Variants in KIAA1217 observed in about 807,000 individuals in gnomAD.
The protein encoded by KIAA1217 is sickle tail protein homolog.
In KIAA1217, 88 loss-of-function variants were observed where a neutral mutation model predicts 163.9. The ratio of observed to expected loss-of-function variants is 0.54; its 90% CI spans 0.45 to 0.64. The LOEUF is 0.64. Ranked by LOEUF, KIAA1217 falls within the 30% of genes least tolerant of loss-of-function variation. The probability of loss-of-function intolerance (pLI) is 0.00; values close to 1 mark genes in which losing one functional copy is unlikely to be tolerated. For synonymous variants in KIAA1217, 903 were observed against 923.1 expected (o/e 0.98, Z 0.39); for missense variants, 2,372 against 2,475.0 (o/e 0.96, Z 0.88).
At chr10:24,366,792 T>C (rs2050846423) in intron 2 of KIAA1217, among the ~76,000 whole-genome samples, 1 of 152,200 alleles carries the variant, frequency 6.6e-6, no homozygotes, top group Non-Finnish European at 1.5e-5. Context: ...TTGGGCAGGC[T>C]CTAGTAAGTT....
chr10:23,981,592 TACA>T (rs1845767286), intron 1 of KIAA1217, among the ~76,000 whole-genome samples: 1 of 152,178 alleles, frequency 6.6e-6, no homozygotes, highest in African/African-American at 2.4e-5. Flanking sequence ...CTGTAAGGAT[TACA>T]ACATTAATTT....
rs535209089 is a variant in KIAA1217, at chr10:23,712,512, G to A, written c.-321+17278G>A. On this transcript the variant is annotated intron_variant, in intron 1 of 18. Transcript: ENST00000376462. ...GAGACAGATGGGAAATTGAATATTCGTGGATACGTTTTAGGTGATTGTGCT... is the reference window on the plus strand; with the variant it reads ...GAGACAGATGGGAAATTGAATATTCATGGATACGTTTTAGGTGATTGTGCT... 7.2e-5 allele frequency among the ~76,000 whole-genome samples: 11 copies of A among 152,144 alleles called. No individual in the cohort carries two copies. In the East Asian group the frequency reaches 1.4e-3, roughly 19 times the overall value.
chr10:24,433,016 G>A lies in KIAA1217; in HGVS notation c.575G>A (p.Gly192Glu), dbSNP rs746846624. The A allele has an allele frequency of 1.2e-6, 2 of 1,613,956 alleles. No homozygotes were observed. The highest frequency in any genetic ancestry group is 1.7e-6 in the Non-Finnish European group (2 of 1,180,024). Residue 192 changes from glycine to glutamate, a missense_variant, in exon 4 of 21, where the codon GGA becomes GAA. This residue lies in a region of KIAA1217 where 1,431 missense variants were observed against 1,470.3 expected (regional missense o/e 0.97). Coordinates refer to ENST00000376454, the MANE Select transcript of KIAA1217 (RefSeq NM_019590.5). Reference sequence around the variant, plus strand: ...GCAGGGGTTCTCTATCTCCAGTATGGAGATGAAACCAAGCAGCTCAGGATG... The same window carrying A: ...GCAGGGGTTCTCTATCTCCAGTATGAAGATGAAACCAAGCAGCTCAGGATG... ...RSLGVLYLQY[G>E]DETKQLRMPN...
At chr10:23,932,511 A>G (rs963921860) in intron 1 of KIAA1217, among the ~76,000 whole-genome samples, 3 of 79,350 alleles carry the variant, frequency 3.8e-5, no homozygotes, top group Admixed American at 1.3e-4. Context: ...GGCCTAATAC[A>G]CAACTTTGAA....
chr10:23,757,324 T>C (rs1177812060), intron 1 of KIAA1217, among the ~76,000 whole-genome samples: 1 of 152,132 alleles, frequency 6.6e-6, no homozygotes, highest in Non-Finnish European at 1.5e-5. Flanking sequence ...CTGTACCATT[T>C]TCACTCCCAT....
chr10:24,242,500 C>T (rs1354050921), intron 2 of KIAA1217, among the ~76,000 whole-genome samples: 2 of 152,080 alleles, frequency 1.3e-5, no homozygotes, highest in Non-Finnish European at 2.9e-5. Context: ...CCACCATTGA[C>T]GGACACCTAG....
intron 3 of KIAA1217, among the ~76,000 whole-genome samples, chr10:24,419,335 C>CTT (rs2058545964): frequency 6.6e-6 from 1 of 152,212 alleles, no homozygotes; most frequent in East Asian, 1.9e-4. Flanking sequence ...AGACAGCTCT[C>CTT]TTTTGTCACT....
At chr10:23,969,326 C>T (rs535190406) in intron 1 of KIAA1217, among the ~76,000 whole-genome samples, 15 of 152,314 alleles carry the variant, frequency 9.8e-5, no homozygotes, top group South Asian at 2.1e-4. Context: ...TGAGCCACCG[C>T]GCCCAGTCCG....
At chr10:24,304,463 C>CA (rs2041772734) in intron 2 of KIAA1217, among the ~76,000 whole-genome samples, 2 of 152,156 alleles carry the variant, frequency 1.3e-5, no homozygotes, top group East Asian at 3.9e-4. Flanking sequence ...TCTCAGCCTC[C>CA]AAAGTAACTA....
chr10:23,925,356 A>G (rs1438687376), intron 1 of KIAA1217, among the ~76,000 whole-genome samples: 1 of 152,170 alleles, frequency 6.6e-6, no homozygotes, highest in Non-Finnish European at 1.5e-5. Context: ...AGGCATCAGG[A>G]AATAAAACTC....
At chr10:24,136,870 A>C (rs1337685342) in intron 2 of KIAA1217, among the ~76,000 whole-genome samples, 1 of 152,222 alleles carries the variant, frequency 6.6e-6, no homozygotes, top group East Asian at 1.9e-4. Flanking sequence ...GTTATTCACA[A>C]GGCTTGTTCT....
chr10:23,760,476 G>A (rs909653483), intron 1 of KIAA1217, among the ~76,000 whole-genome samples: 23 of 152,248 alleles, frequency 1.5e-4, no homozygotes, highest in African/African-American at 4.6e-4. Context: ...AATAAGCAAA[G>A]CAGGAGGGAC....
At chr10:23,981,222 A>T (rs1381561248) in intron 1 of KIAA1217, among the ~76,000 whole-genome samples, 5 of 152,196 alleles carry the variant, frequency 3.3e-5, no homozygotes, top group African/African-American at 4.8e-5. Context: ...ATTGTAAGGA[A>T]ATTTTGTTTA....
intron 1 of KIAA1217, among the ~76,000 whole-genome samples, chr10:23,707,540 C>T (rs1354460334): frequency 5.9e-5 from 9 of 151,994 alleles, no homozygotes; most frequent in Admixed American, 1.3e-4. Flanking sequence ...AAACAATGGC[C>T]ACATACAGGG....
intron 2 of KIAA1217, among the ~76,000 whole-genome samples, chr10:24,118,092 G>C (rs74123650): frequency 0.031 from 4,651 of 150,554 alleles, 244 homozygotes; most frequent in African/African-American, 0.11. Context: ...ACCAAACCCT[G>C]ACGTGAATTT....
At chr10:24,031,565 G>T (rs1269834925) in intron 2 of KIAA1217, among the ~76,000 whole-genome samples, 2 of 152,092 alleles carry the variant, frequency 1.3e-5, no homozygotes, top group Non-Finnish European at 2.9e-5. Context: ...CTCCCAAACT[G>T]CTGGAATTAC....
intron 1 of KIAA1217, among the ~76,000 whole-genome samples, chr10:23,755,648 A>G (rs1483728461): frequency 6.6e-6 from 1 of 152,152 alleles, no homozygotes; most frequent in East Asian, 1.9e-4. Context: ...ACACAAGCCT[A>G]GGGGGAGAAG....
chr10:24,378,015 T>C (rs996396620), intron 2 of KIAA1217, among the ~76,000 whole-genome samples: 1 of 152,248 alleles, frequency 6.6e-6, no homozygotes, highest in Non-Finnish European at 1.5e-5. Flanking sequence ...TTATCTTTTG[T>C]GCTCTCTGAA....
chr10:24,384,788 G>T (rs1163146051), intron 3 of KIAA1217, among the ~76,000 whole-genome samples: 1 of 152,214 alleles, frequency 6.6e-6, no homozygotes, highest in African/African-American at 2.4e-5. Flanking sequence ...CGCCTGCCTT[G>T]GCCTCCTAAA....
Sources: allele counts gnomAD v4.1 joint callset (sites outside exome capture counted in the v4.1 genomes callset), GRCh38; gene constraint gnomAD v4.1.1; regional missense constraint gnomAD v4.1.1; transcripts MANE v1.5; gene names NCBI Gene and HGNC (gene_info 2026-07-23, HGNC 2026-07-21).